NRXN1: variants seen among roughly 807,000 people sequenced by gnomAD.
NRXN1 encodes neurexin-1.
In NRXN1, 39 loss-of-function variants were observed where a neutral mutation model predicts 150.9. The observed-to-expected ratio is 0.26, with a 90% CI of 0.20 to 0.34. The LOEUF (loss-of-function observed/expected upper bound fraction) is 0.34. Among genes scored for constraint, NRXN1 ranks in the 10% least tolerant of loss-of-function variants. The pLI, the probability that NRXN1 is intolerant of heterozygous loss-of-function variation, is 1.00. For synonymous variants in NRXN1, 924 were observed against 757.0 expected (o/e 1.22, Z -3.62); for missense variants, 1,815 against 1,949.9 (o/e 0.93, Z 1.30).
chr2:50,080,274 T>C (rs950707115), intron 19 of NRXN1, among the ~76,000 whole-genome samples: 2 of 152,174 alleles, frequency 1.3e-5, no homozygotes, highest in Admixed American at 6.5e-5. Context: ...ACGATTGTTC[T>C]ATTTTATTAC....
At chr2:50,877,442 C>A (rs956597430) in intron 5 of NRXN1, among the ~76,000 whole-genome samples, 10 of 151,840 alleles carry the variant, frequency 6.6e-5, no homozygotes, top group Admixed American at 6.6e-4. Context: ...TCTGCCTGCT[C>A]AAACACTGAA....
At chr2:50,148,910 C>T (rs187624993) in intron 18 of NRXN1, among the ~76,000 whole-genome samples, 2 of 151,854 alleles carry the variant, frequency 1.3e-5, no homozygotes, top group Admixed American at 1.3e-4. Flanking sequence ...ACATCTACAT[C>T]TACCTTTCTT....
At chr2:50,160,696 T>A (rs551019024) in intron 18 of NRXN1, among the ~76,000 whole-genome samples, 3 of 152,142 alleles carry the variant, frequency 2.0e-5, no homozygotes, top group Non-Finnish European at 4.4e-5. Context: ...CTTCCCAAAG[T>A]ATTCTTAGTG....
intron 5 of NRXN1, among the ~76,000 whole-genome samples, chr2:50,676,755 C>A (rs1689605872): frequency 1.3e-5 from 2 of 152,048 alleles, no homozygotes; most frequent in Non-Finnish European, 1.5e-5. Context: ...GTCAATTGGT[C>A]CTGAGCTCTT....
At chr2:50,815,739 A>T (rs1479279367) in intron 5 of NRXN1, among the ~76,000 whole-genome samples, 1 of 152,182 alleles carries the variant, frequency 6.6e-6, no homozygotes, top group African/African-American at 2.4e-5. Flanking sequence ...TATCCTCATA[A>T]ACTGGCCTAA....
At chr2:50,875,899 C>T (rs915064210) in intron 5 of NRXN1, among the ~76,000 whole-genome samples, 10 of 151,824 alleles carry the variant, frequency 6.6e-5, no homozygotes, top group African/African-American at 2.2e-4. Context: ...TTCCCTCACC[C>T]TACAGAATGC....
chr2:50,782,135 A>C (rs1704431135), intron 5 of NRXN1, among the ~76,000 whole-genome samples: 1 of 151,676 alleles, frequency 6.6e-6, no homozygotes. Flanking sequence ...TAACTCTAAT[A>C]ATAAATGGGT....
intron 17 of NRXN1, among the ~76,000 whole-genome samples, chr2:50,317,304 C>A (rs2075687106): frequency 6.6e-6 from 1 of 151,792 alleles, no homozygotes; most frequent in Admixed American, 6.6e-5. Flanking sequence ...GAAACCCTTA[C>A]CAAGACAGAC....
Position 50,347,698 on chromosome 2 carries a change from A to T in NRXN1, c.3365-110728T>A, listed in dbSNP as rs116199888. On this transcript the variant is annotated intron_variant, in intron 17 of 22. Coordinates refer to ENST00000401669, the MANE Select transcript of NRXN1 (RefSeq NM_001330078.2). This position sits in a 1 kb window ranked among gnomAD's most constrained non-coding sequence, Gnocchi z 4.9. ...AACGGCGGAAAGGCAGCTGAGAAGA[A>T]GATGCAGACGAAGGAGTAAGGGAGA... 39,076 of 987,332 alleles carry T rather than the reference A, an allele frequency of 0.04. 871 individuals carry two copies. The highest frequency in any genetic ancestry group is 0.12 in the Middle Eastern group (229 of 1,918). The allele number at this position is 987,332 out of a possible 1,614,324, so 61.2% of individuals were successfully genotyped here. A position where few individuals can be genotyped will look rare whatever the true frequency, so the allele number is the denominator to read the frequency against.
intron 16 of NRXN1, among the ~76,000 whole-genome samples, chr2:50,469,797 G>T (rs2089285235): frequency 6.6e-6 from 1 of 150,688 alleles, no homozygotes; most frequent in Admixed American, 6.7e-5. Flanking sequence ...TAAAAGCTCA[G>T]ATATATAAAG....
At chr2:50,091,609 C>A in intron 18 of NRXN1, 115 bp from the exon 19 acceptor site, 1 of 1,079,792 alleles carries the variant, frequency 9.3e-7, no homozygotes, top group Non-Finnish European at 1.4e-6. Flanking sequence ...TGCTTTCCTC[C>A]AATTTTACTT....
At chr2:50,581,131 G>T (rs985079962) in intron 8 of NRXN1, among the ~76,000 whole-genome samples, 1 of 152,074 alleles carries the variant, frequency 6.6e-6, no homozygotes, top group African/African-American at 2.4e-5. Context: ...ATAAATTTAT[G>T]AATACACAGA....
At chr2:50,082,686 C>T (rs1029974117) in intron 19 of NRXN1, among the ~76,000 whole-genome samples, 2 of 152,096 alleles carry the variant, frequency 1.3e-5, no homozygotes, top group African/African-American at 4.8e-5. Context: ...TTAAGTTTAG[C>T]TTCAAATACG....
chr2:50,321,353 A>G (rs2076025261), intron 17 of NRXN1, among the ~76,000 whole-genome samples: 1 of 152,182 alleles, frequency 6.6e-6, no homozygotes, highest in South Asian at 2.1e-4. Context: ...ATGTTGTTGA[A>G]TGCAGTATGT....
intron 5 of NRXN1, among the ~76,000 whole-genome samples, chr2:50,803,006 T>G (rs1193719459): frequency 6.6e-6 from 1 of 152,210 alleles, no homozygotes; most frequent in Non-Finnish European, 1.5e-5. Flanking sequence ...AAATGATAGT[T>G]TCTTTTGCTG....
intron 17 of NRXN1, among the ~76,000 whole-genome samples, chr2:50,419,354 G>T (rs907252341): frequency 1.3e-5 from 2 of 152,018 alleles, no homozygotes; most frequent in African/African-American, 4.8e-5. Flanking sequence ...TGGTTGCTTG[G>T]CTAAAGTTTC....
intron 17 of NRXN1, among the ~76,000 whole-genome samples, chr2:50,443,887 G>T (rs1461953339): frequency 2.6e-5 from 4 of 152,048 alleles, no homozygotes; most frequent in Non-Finnish European, 5.9e-5. Flanking sequence ...CTTATAGATT[G>T]CCATTTGGAA....
At chr2:50,858,931 C>G (rs1386960873) in intron 5 of NRXN1, among the ~76,000 whole-genome samples, 1 of 151,902 alleles carries the variant, frequency 6.6e-6, no homozygotes, top group Non-Finnish European at 1.5e-5. Flanking sequence ...AAGTGCATTC[C>G]CTCCTTGATA....
intron 12 of NRXN1, among the ~76,000 whole-genome samples, chr2:50,513,390 A>C (rs1260579013): frequency 6.6e-6 from 1 of 152,170 alleles, no homozygotes; most frequent in Non-Finnish European, 1.5e-5. Context: ...AGTTTTTTGA[A>C]ATTAGGCCTC....
Sources: gnomAD v4.1 joint callset for allele counts (sites outside exome capture counted in the v4.1 genomes callset) on GRCh38, gnomAD v4.1.1 for gene constraint, Gnocchi (gnomAD v3.1) non-coding constraint, MANE v1.5 for transcripts, NCBI Gene and HGNC (gene_info 2026-07-23, HGNC 2026-07-21) for gene names.